Variants in MDGA2 observed in about 807,000 individuals in gnomAD.
The protein encoded by MDGA2 is MAM domain-containing glycosylphosphatidylinositol anchor protein 2.
A neutral mutation model predicts 117.8 loss-of-function variants in MDGA2; 40 were observed. That is an observed-to-expected ratio of 0.34 (90% confidence interval 0.26 to 0.44). The LOEUF (loss-of-function observed/expected upper bound fraction) is 0.44, where lower values mean the gene tolerates loss of function less well. MDGA2 is among the 20% of genes least tolerant of loss of function. The probability of loss-of-function intolerance (pLI) is 1.00; values close to 1 mark genes in which losing one functional copy is unlikely to be tolerated. For synonymous variants in MDGA2, 452 were observed against 439.0 expected (o/e 1.03, Z -0.37); for missense variants, 1,123 against 1,250.6 (o/e 0.90, Z 1.54).
At chr14:47,351,094 T>G (rs1019851093) in intron 1 of MDGA2, among the ~76,000 whole-genome samples, 3 of 147,776 alleles carry the variant, frequency 2.0e-5, no homozygotes, top group African/African-American at 7.6e-5. Flanking sequence ...TTTTTTTTTT[T>G]TGAAACGAAG....
chr14:47,502,175 AC>A (rs1894413111), intron 1 of MDGA2, among the ~76,000 whole-genome samples: 1 of 152,148 alleles, frequency 6.6e-6, no homozygotes, highest in Admixed American at 6.5e-5. Flanking sequence ...AGGCTAAGGA[AC>A]TTTTTCTGAA....
chr14:46,874,229 T>A, intron 12 of MDGA2, 29 bp from the exon 13 acceptor site: 3 of 1,100,670 alleles, frequency 2.7e-6, no homozygotes, highest in Non-Finnish European at 2.4e-6. Flanking sequence ...TAAATTAATA[T>A]TAATTAAATT....
chr14:47,118,439 A>C (rs761683833), intron 5 of MDGA2, among the ~76,000 whole-genome samples: 19 of 152,186 alleles, frequency 1.2e-4, no homozygotes, highest in Non-Finnish European at 2.4e-4. Flanking sequence ...ATCACCTATG[A>C]ATTCACTTCC....
chr14:47,430,558 C>T (rs574325183), intron 1 of MDGA2, among the ~76,000 whole-genome samples: 2 of 151,956 alleles, frequency 1.3e-5, no homozygotes, highest in South Asian at 4.1e-4. Flanking sequence ...AATTTATTCT[C>T]TGTGGAAAAC....
chr14:47,599,116 A>G (rs1896598806), intron 1 of MDGA2, among the ~76,000 whole-genome samples: 1 of 151,920 alleles, frequency 6.6e-6, no homozygotes, highest in Non-Finnish European at 1.5e-5. Context: ...AGATACTAAG[A>G]CCATTTGGGA....
chr14:46,867,769 A>T (rs1222646218), intron 14 of MDGA2, among the ~76,000 whole-genome samples: 4 of 152,024 alleles, frequency 2.6e-5, no homozygotes, highest in African/African-American at 9.7e-5. Context: ...AAGTAAAGAT[A>T]TTGCTGGTAA....
intron 8 of MDGA2, among the ~76,000 whole-genome samples, chr14:47,033,765 A>G (rs923269504): frequency 6.6e-6 from 1 of 152,158 alleles, no homozygotes; most frequent in South Asian, 2.1e-4. Context: ...GACAAATAGC[A>G]TATCTGGAAT....
intron 2 of MDGA2, among the ~76,000 whole-genome samples, chr14:47,220,085 T>G (rs923502906): frequency 6.6e-6 from 1 of 152,072 alleles, no homozygotes; most frequent in African/African-American, 2.4e-5. Context: ...TAGAAAGAAA[T>G]GCAAATAATC....
intron 1 of MDGA2, among the ~76,000 whole-genome samples, chr14:47,617,567 T>C (rs1324004950): frequency 6.6e-6 from 1 of 152,170 alleles, no homozygotes; most frequent in Non-Finnish European, 1.5e-5. Flanking sequence ...AGTACAGTTT[T>C]AAAAAACAAT....
chr14:47,448,182 G>C (rs1893166335), intron 1 of MDGA2, among the ~76,000 whole-genome samples: 1 of 151,384 alleles, frequency 6.6e-6, no homozygotes, highest in Non-Finnish European at 1.5e-5. Flanking sequence ...ACTGGGTGTT[G>C]CTCTGTCACC....
In MDGA2 at chr14:47,561,158, GT is replaced by G. The variant is rs200625450; in HGVS notation, c.280+113358del. On this transcript the variant is annotated intron_variant, in intron 1 of 16. Coordinates refer to ENST00000399232, the MANE Select transcript of MDGA2 (RefSeq NM_001113498.3). ...CTATCTTTGTTTTTTTTTTTGTTTT[GT>G]TTTGTTTTTTTGTTTGTTTGTTTTT... 4.2e-4 allele frequency among the ~76,000 whole-genome samples: 23 copies of G among 55,098 alleles called. 1 individual carries two copies. The South Asian group carries it at 0.014, about 35-fold the overall frequency. The allele number at this position is 55,098 out of a possible 152,430, so 36.1% of individuals were successfully genotyped here. A position where few individuals can be genotyped will look rare whatever the true frequency, so the allele number is the denominator to read the frequency against.
intron 1 of MDGA2, among the ~76,000 whole-genome samples, chr14:47,368,018 G>A (rs565470940): frequency 1.7e-3 from 263 of 152,118 alleles, no homozygotes; most frequent in Non-Finnish European, 3.2e-3. Context: ...GGTGGCTCAC[G>A]TCTGTAATCC....
intron 1 of MDGA2, among the ~76,000 whole-genome samples, chr14:47,630,269 G>A (rs1475048874): frequency 6.6e-6 from 1 of 152,054 alleles, no homozygotes; most frequent in Admixed American, 6.5e-5. Flanking sequence ...ATTTTTATAA[G>A]TATCGGTTAC....
chr14:47,023,809 G>A (rs1328033343), intron 8 of MDGA2, among the ~76,000 whole-genome samples: 1 of 152,130 alleles, frequency 6.6e-6, no homozygotes, highest in Non-Finnish European at 1.5e-5. Flanking sequence ...ACATTTTGCA[G>A]TAGCTGAATA....
At chr14:47,369,532 C>T (rs1483518849) in intron 1 of MDGA2, among the ~76,000 whole-genome samples, 8 of 152,106 alleles carry the variant, frequency 5.3e-5, no homozygotes, top group African/African-American at 1.9e-4. Flanking sequence ...CCTCTTACCA[C>T]CACCCTCCAC....
intron 1 of MDGA2, among the ~76,000 whole-genome samples, chr14:47,672,992 A>G (rs560227970): frequency 1.7e-4 from 26 of 152,156 alleles, no homozygotes; most frequent in African/African-American, 6.0e-4. Context: ...CCACGAGACA[A>G]GTTGTCTTTC....
At chr14:47,158,408 G>A (rs867708926) in intron 3 of MDGA2, among the ~76,000 whole-genome samples, 3 of 147,218 alleles carry the variant, frequency 2.0e-5, no homozygotes, top group African/African-American at 7.6e-5. Context: ...GTTCATGTAC[G>A]CATATAATGT....
At chr14:47,196,334 G>C (rs1885287515) in intron 3 of MDGA2, among the ~76,000 whole-genome samples, 1 of 152,016 alleles carries the variant, frequency 6.6e-6, no homozygotes. Flanking sequence ...CAAGAATCCT[G>C]GGATGAAGAA....
chr14:47,395,428 C>T (rs1891986966), intron 1 of MDGA2, among the ~76,000 whole-genome samples: 1 of 152,086 alleles, frequency 6.6e-6, no homozygotes, highest in East Asian at 1.9e-4. Context: ...TATCTACATA[C>T]AATATTTCGT....
Sources: gnomAD v4.1 joint callset for allele counts (sites outside exome capture counted in the v4.1 genomes callset) on GRCh38, gnomAD v4.1.1 for gene constraint, MANE v1.5 for transcripts, NCBI Gene and HGNC (gene_info 2026-07-23, HGNC 2026-07-21) for gene names.